Variants in GRIK2 observed in about 807,000 individuals in gnomAD.
GRIK2 encodes glutamate ionotropic receptor kainate type subunit 2, also known as glutamate receptor ionotropic, kainate 2.
Under a neutral mutation model 100.3 loss-of-function variants are expected in GRIK2, and 32 were observed. The observed-to-expected ratio is 0.32, with a 90% CI of 0.24 to 0.43. The LOEUF is 0.43. GRIK2 is among the 20% of genes least tolerant of loss of function. GRIK2 has a pLI of 1.00. For synonymous variants in GRIK2, 417 were observed against 389.4 expected, an observed-to-expected ratio of 1.07 and a Z score of -0.83; for missense variants, 843 against 1,114.9, an observed-to-expected ratio of 0.76 and a Z score of 3.47.
chr6:101,912,416 T>TC (rs1554285222), intron 12 of GRIK2, among the ~76,000 whole-genome samples: 1 of 151,488 alleles, frequency 6.6e-6, no homozygotes, highest in Non-Finnish European at 1.5e-5. Flanking sequence ...CCCTGTCAGC[T>TC]CTTAGTATTT....
intron 7 of GRIK2, among the ~76,000 whole-genome samples, chr6:101,702,392 CA>C (rs1305541650): frequency 2.0e-5 from 3 of 152,012 alleles, no homozygotes; most frequent in East Asian, 3.9e-4. Context: ...TGTACATTAA[CA>C]TAGAAATTTT....
At chr6:101,983,433 A>G (rs897560379) in intron 14 of GRIK2, among the ~76,000 whole-genome samples, 1 of 151,780 alleles carries the variant, frequency 6.6e-6, no homozygotes, top group African/African-American at 2.4e-5. Flanking sequence ...TTTTATTCAC[A>G]TTGGTGAATG....
At chr6:101,562,606 G>T (rs1777076278) in intron 2 of GRIK2, among the ~76,000 whole-genome samples, 1 of 152,056 alleles carries the variant, frequency 6.6e-6, no homozygotes, top group Non-Finnish European at 1.5e-5. Context: ...GCCTCCCAAA[G>T]TGCTGGCATT....
At chr6:101,853,163 G>T (rs10080446) in intron 10 of GRIK2, among the ~76,000 whole-genome samples, 3,908 of 152,192 alleles carry the variant, frequency 0.026, 181 homozygotes, top group African/African-American at 0.089. Context: ...GGGAAAAGTA[G>T]GTATTGTGGA....
chr6:101,853,615 G>A (rs190785724), intron 10 of GRIK2, among the ~76,000 whole-genome samples: 21 of 152,236 alleles, frequency 1.4e-4, no homozygotes, highest in Admixed American at 3.3e-4. Flanking sequence ...AAAAACTTAT[G>A]TCCACACAAA....
chr6:101,662,702 G>C (rs1769716461), intron 4 of GRIK2, among the ~76,000 whole-genome samples: 2 of 151,898 alleles, frequency 1.3e-5, no homozygotes, highest in African/African-American at 4.8e-5. Flanking sequence ...TTGTCCACTT[G>C]CTAAATGGTT....
Position 101,626,519 on chromosome 6 carries a change from C to T in GRIK2, c.423C>T (p.Asn141=). 1.2e-6 allele frequency: 2 copies of T among 1,614,012 alleles called. No homozygotes were observed. Among genetic ancestry groups the T allele is most frequent in the Non-Finnish European group, 1.7e-6 (2 of 1,179,940 alleles). The change falls in exon 4 of 17, where the codon AAC becomes AAT. Residue 141 remains asparagine (N), a synonymous_variant. Coordinates refer to ENST00000369134, the MANE Select transcript of GRIK2 (RefSeq NM_021956.5). ...GCTGGAAGCACCAGGTGTCAGACAA[C>T]AAAGATTCCTTCTATGTCAGTCTCT... ...QTRWKHQVSD[N]KDSFYVSLYP... is the part of the protein sequence containing the mutation.
chr6:101,826,610 C>A (rs1040188277), intron 10 of GRIK2, among the ~76,000 whole-genome samples: 1 of 152,104 alleles, frequency 6.6e-6, no homozygotes, highest in Non-Finnish European at 1.5e-5. Flanking sequence ...TCCCATCAAA[C>A]CTTTTACTGG....
At chr6:101,934,109 TATC>T (rs1018059288) in intron 14 of GRIK2, among the ~76,000 whole-genome samples, 2 of 151,854 alleles carry the variant, frequency 1.3e-5, no homozygotes, top group African/African-American at 4.8e-5. Context: ...AGGAAGCAAT[TATC>T]ATTATGCTCA....
chr6:101,809,821 C>T (rs535418251), intron 9 of GRIK2, among the ~76,000 whole-genome samples: 28 of 152,028 alleles, frequency 1.8e-4, no homozygotes, highest in Non-Finnish European at 1.6e-4. Flanking sequence ...CATTATAAAC[C>T]CTGTCTCAGA....
At chr6:101,592,585 TCACATATATATATATATATATA>T (rs1778705926) in intron 2 of GRIK2, among the ~76,000 whole-genome samples, 1 of 63,146 alleles carries the variant, frequency 1.6e-5, no homozygotes, top group African/African-American at 6.6e-5. Flanking sequence ...ATTACTAATA[TCACATATATATATATATATATA>T]TATATATATA....
chr6:102,021,762 T>A (rs950341961), intron 14 of GRIK2, among the ~76,000 whole-genome samples: 1 of 151,564 alleles, frequency 6.6e-6, no homozygotes, highest in Admixed American at 6.6e-5. Context: ...TGAGCTACCC[T>A]GCTTATGTAT....
intron 12 of GRIK2, among the ~76,000 whole-genome samples, chr6:101,918,934 A>G (rs1789315369): frequency 6.6e-6 from 1 of 151,760 alleles, no homozygotes; most frequent in African/African-American, 2.4e-5. Context: ...TTTTGGGCAA[A>G]AGCAAACACT....
chr6:101,921,594 T>G (rs1168397288), intron 12 of GRIK2, among the ~76,000 whole-genome samples: 1 of 151,886 alleles, frequency 6.6e-6, no homozygotes, highest in African/African-American at 2.4e-5. Flanking sequence ...CTTAAAAAAA[T>G]AAATAATGGA....
intron 7 of GRIK2, among the ~76,000 whole-genome samples, chr6:101,735,962 T>C (rs1001170099): frequency 5.3e-5 from 8 of 152,280 alleles, no homozygotes; most frequent in Non-Finnish European, 1.2e-4. Flanking sequence ...GGTACAGGCA[T>C]TGGGTAAATA....
intron 2 of GRIK2, among the ~76,000 whole-genome samples, chr6:101,425,449 G>T (rs1221398792): frequency 6.6e-6 from 1 of 152,058 alleles, no homozygotes; most frequent in Non-Finnish European, 1.5e-5. Context: ...ATGGAAAATT[G>T]AGAGAGTAAG....
intron 2 of GRIK2, among the ~76,000 whole-genome samples, chr6:101,504,442 T>A (rs1773920266): frequency 6.6e-6 from 1 of 152,048 alleles, no homozygotes; most frequent in Non-Finnish European, 1.5e-5. Flanking sequence ...TTTGGTAATT[T>A]TTTTCAGATT....
chr6:102,064,270 CCTTCTCCTTCT>C (rs1383193338), intron 16 of GRIK2, among the ~76,000 whole-genome samples: 1 of 150,196 alleles, frequency 6.7e-6, no homozygotes, highest in Non-Finnish European at 1.5e-5. Context: ...TCCTCCCTCT[CCTTCTCCTTCT>C]CTTCTCCTTC....
At chr6:102,034,724 G>C (rs1388412523) in intron 14 of GRIK2, among the ~76,000 whole-genome samples, 1 of 151,350 alleles carries the variant, frequency 6.6e-6, no homozygotes, top group Non-Finnish European at 1.5e-5. Flanking sequence ...CTGAAGTCCA[G>C]CTTAAAGAAG....
Sources: allele counts gnomAD v4.1 joint callset (sites outside exome capture counted in the v4.1 genomes callset), GRCh38; gene constraint gnomAD v4.1.1; transcripts MANE v1.5; gene names NCBI Gene and HGNC (gene_info 2026-07-23, HGNC 2026-07-21).